Variants in TOGARAM2 observed in about 807,000 individuals in gnomAD.
TOGARAM2 encodes the protein TOG array regulator of axonemal microtubules protein 2.
In TOGARAM2, 85 loss-of-function variants were observed where a neutral mutation model predicts 93.3. That is an observed-to-expected ratio of 0.91 (90% CI 0.76 to 1.09). The LOEUF (loss-of-function observed/expected upper bound fraction) is 1.09, where lower values mean the gene tolerates loss of function less well. Among genes scored for constraint, TOGARAM2 ranks in the 50% least tolerant of loss-of-function variants. TOGARAM2 has a pLI of 0.00. For synonymous variants in TOGARAM2, 593 were observed against 552.8 expected (o/e 1.07, Z -1.02); for missense variants, 1,277 against 1,334.5 (o/e 0.96, Z 0.67).
chr2:29,045,495 A>C (rs750825485), intron 19 of TOGARAM2, 85 bp downstream of exon 19: 1 of 1,184,130 alleles, frequency 8.4e-7, no homozygotes, highest in Non-Finnish European at 1.2e-6. Context: ...TCACCCAGTT[A>C]TCTTAGACCT....
chr2:29,003,425 C>A, intron 5 of TOGARAM2, 67 bp from the exon 6 acceptor site: 3 of 1,319,872 alleles, frequency 2.3e-6, no homozygotes, highest in Non-Finnish European at 2.0e-6. Flanking sequence ...GTGTGAGGTG[C>A]CTGGAGGTGA....
chr2:29,039,401 G>T (rs1314866007), intron 18 of TOGARAM2, among the ~76,000 whole-genome samples: 1 of 152,126 alleles, frequency 6.6e-6, no homozygotes, highest in Non-Finnish European at 1.5e-5. Flanking sequence ...GAGGTCAAGG[G>T]GATCAAGAAT....
At chr2:29,038,716 A>G (rs185937834) in intron 18 of TOGARAM2, among the ~76,000 whole-genome samples, 71 of 152,262 alleles carry the variant, frequency 4.7e-4, no homozygotes, top group Admixed American at 1.1e-3. Context: ...AAGTGCTGGG[A>G]TTACAGGTGT....
At chr2:29,028,328 G>T (rs1216541444) in intron 14 of TOGARAM2, among the ~76,000 whole-genome samples, 1 of 152,150 alleles carries the variant, frequency 6.6e-6, no homozygotes, top group Non-Finnish European at 1.5e-5. Context: ...AGTGCCTGCG[G>T]TTCCTCCCAT....
At chr2:29,008,821 G>A (rs1332742255) in intron 6 of TOGARAM2, among the ~76,000 whole-genome samples, 2 of 152,210 alleles carry the variant, frequency 1.3e-5, no homozygotes, top group African/African-American at 4.8e-5. Context: ...GGGGCCATAT[G>A]TCAAAAACCT....
intron 14 of TOGARAM2, among the ~76,000 whole-genome samples, chr2:29,027,765 C>T (rs1665499931): frequency 6.6e-6 from 1 of 152,016 alleles, no homozygotes; most frequent in African/African-American, 2.4e-5. Context: ...TTAAGAGTGA[C>T]ATTTGAGTTG....
At chr2:28,976,464 C>A, upstream of TOGARAM2, among the ~76,000 whole-genome samples, 1 of 152,212 alleles carries the variant, frequency 6.6e-6, no homozygotes, top group East Asian at 1.9e-4. Context: ...CTCCTCCCCT[C>A]CCCCTGCCCT....
intron 1 of TOGARAM2, among the ~76,000 whole-genome samples, chr2:28,969,688 C>T (rs1346919660): frequency 6.6e-6 from 1 of 152,276 alleles, no homozygotes; most frequent in East Asian, 1.9e-4. Context: ...TTTCAGAAAG[C>T]CACCTTGGAA....
intron 1 of TOGARAM2, among the ~76,000 whole-genome samples, chr2:28,962,525 TG>T (rs1210341274): frequency 6.6e-6 from 1 of 152,088 alleles, no homozygotes; most frequent in Non-Finnish European, 1.5e-5. Flanking sequence ...TCCATGTTTT[TG>T]AGATTGATTG....
At chr2:28,974,127 C>CTT (rs34500191) in intron 1 of TOGARAM2, among the ~76,000 whole-genome samples, 75,287 of 127,022 alleles carry the variant, frequency 0.59, 23,745 homozygotes, top group Admixed American at 0.68. Context: ...ATAATATATC[C>CTT]TTTTTTTTTT....
intron 6 of TOGARAM2, among the ~76,000 whole-genome samples, chr2:29,008,033 G>A (rs2148313284): frequency 6.6e-6 from 1 of 151,940 alleles, no homozygotes; most frequent in Non-Finnish European, 1.5e-5. Context: ...ATTGTCCACA[G>A]GCATCCAGCC....
intron 1 of TOGARAM2, among the ~76,000 whole-genome samples, chr2:28,972,128 G>A (rs565532425): frequency 5.6e-4 from 85 of 151,918 alleles, no homozygotes; most frequent in Non-Finnish European, 1.0e-3. Flanking sequence ...TCACTCTGTC[G>A]CCCAAGCTGG....
upstream of TOGARAM2, among the ~76,000 whole-genome samples, chr2:28,976,649 G>A (rs1672041916): frequency 6.6e-6 from 1 of 152,212 alleles, no homozygotes; most frequent in Admixed American, 6.5e-5. Flanking sequence ...TAACCAGAAG[G>A]CGTTAGTCCC....
intron 19 of TOGARAM2, chr2:29,048,897 T>TGG (rs2148402326): frequency 6.8e-6 from 1 of 147,114 alleles, no homozygotes; most frequent in East Asian, 2.0e-4. Context: ...TTGCCCAGGC[T>TGG]GGGGTGTAGT....
At position 28,994,777 on chromosome 2, in the gene TOGARAM2, T is replaced by C; in HGVS notation, c.-58T>C. 1 of 1,546,232 alleles carries C rather than the reference T, an allele frequency of 6.5e-7. No homozygotes were observed. Among genetic ancestry groups the C allele is most frequent in the Non-Finnish European group, 8.8e-7 (1 of 1,142,136 alleles). Reference sequence around the variant, plus strand: ...CCAGACCCCCAAGGACTGTACTCACTGCCCAGAAATAGCTGCTGCCTCTGG... The same window carrying C: ...CCAGACCCCCAAGGACTGTACTCACCGCCCAGAAATAGCTGCTGCCTCTGG... On this transcript the variant is annotated 5_prime_UTR_variant, in exon 2 of 20. Transcript: ENST00000379558.
upstream of TOGARAM2, among the ~76,000 whole-genome samples, chr2:28,977,861 C>T (rs11127197): frequency 0.16 from 24,192 of 151,510 alleles, 2,020 homozygotes; most frequent in South Asian, 0.2. Context: ...CTTGGGAGCA[C>T]GTGGGTGGGA....
At chr2:28,999,567 G>A (rs1673177365) in intron 4 of TOGARAM2, 99 bp downstream of exon 4, 2 of 1,357,900 alleles carry the variant, frequency 1.5e-6, no homozygotes, top group Admixed American at 2.8e-5. Context: ...CAGGTGGCAT[G>A]CTGGGATGCC....
At chr2:28,969,182 C>T (rs138504447) in intron 1 of TOGARAM2, among the ~76,000 whole-genome samples, 1 of 152,286 alleles carries the variant, frequency 6.6e-6, no homozygotes, top group African/African-American at 2.4e-5. Context: ...TCTAGCTGGG[C>T]GTCAGGAGAT....
chr2:29,002,084 C>T (rs930788158), intron 4 of TOGARAM2, among the ~76,000 whole-genome samples: 6 of 152,202 alleles, frequency 3.9e-5, no homozygotes, highest in South Asian at 2.1e-4. Context: ...AAAACAGCTA[C>T]GCCCCACATC....
Sources: allele counts gnomAD v4.1 joint callset (sites outside exome capture counted in the v4.1 genomes callset), GRCh38; gene constraint gnomAD v4.1.1; transcripts MANE v1.5; gene names NCBI Gene and HGNC (gene_info 2026-07-23, HGNC 2026-07-21).